The following FSTL4 variants were observed in gnomAD, a reference collection of about 807,000 sequenced individuals.
The protein encoded by FSTL4 is follistatin-related protein 4.
In FSTL4, 28 loss-of-function variants were observed where a neutral mutation model predicts 78.2. That is an observed-to-expected ratio of 0.36 (90% CI 0.27 to 0.49). The LOEUF (loss-of-function observed/expected upper bound fraction) is 0.49, where lower values mean the gene tolerates loss of function less well. Ranked by LOEUF, FSTL4 falls within the 20% of genes least tolerant of loss-of-function variation. FSTL4 has a pLI of 0.98. For synonymous variants in FSTL4, 422 were observed against 440.5 expected, an observed-to-expected ratio of 0.96 and a Z score of 0.53; for missense variants, 922 against 1,084.9, an observed-to-expected ratio of 0.85 and a Z score of 2.11.
chr5:133,474,780 G>C lies in FSTL4; in HGVS notation c.161-73794C>G, dbSNP rs246957. ...CTTAAATTATCTCTCCTCTGTCTTA[G>C]CAGCTTCCTTTAAACGCAGTAAACA... On this transcript the variant is annotated intron_variant, in intron 3 of 15. Transcript: ENST00000265342. Among the ~76,000 whole-genome samples the C allele has an allele frequency of 3.9e-3, 598 of 152,356 alleles. 4 individuals are homozygous for C. Among genetic ancestry groups the C allele is most frequent in the East Asian group, 0.031 (159 of 5,186 alleles).
the FSTL4 span, among the ~76,000 whole-genome samples, chr5:133,698,822 C>T: frequency 6.6e-6 from 1 of 151,400 alleles, no homozygotes; most frequent in East Asian, 1.9e-4. Context: ...CTACAAAATA[C>T]AACGAGACCT....
At chr5:133,328,192 C>T (rs1157194502) in intron 4 of FSTL4, among the ~76,000 whole-genome samples, 9 of 152,212 alleles carry the variant, frequency 5.9e-5, no homozygotes, top group African/African-American at 1.7e-4. Flanking sequence ...CAGATCCAGC[C>T]GACTCCAAGG....
chr5:133,403,437 C>G (rs1756283583), intron 3 of FSTL4, among the ~76,000 whole-genome samples: 1 of 152,234 alleles, frequency 6.6e-6, no homozygotes, highest in Non-Finnish European at 1.5e-5. Flanking sequence ...AGTGCCTGCC[C>G]TGCTCTGGCC....
intron 3 of FSTL4, among the ~76,000 whole-genome samples, chr5:133,565,668 TCA>T: frequency 6.6e-6 from 1 of 152,216 alleles, no homozygotes; most frequent in East Asian, 1.9e-4. Context: ...CTGGACACTC[TCA>T]TTCTTCTGGG....
At chr5:133,465,536 G>A (rs1047252683) in intron 3 of FSTL4, among the ~76,000 whole-genome samples, 5 of 152,230 alleles carry the variant, frequency 3.3e-5, no homozygotes, top group African/African-American at 1.2e-4. Flanking sequence ...GTTCAGGAGT[G>A]AGGCAGACTA....
At chr5:133,243,245 A>C (rs1208317351) in intron 7 of FSTL4, among the ~76,000 whole-genome samples, 1 of 152,144 alleles carries the variant, frequency 6.6e-6, no homozygotes, top group Non-Finnish European at 1.5e-5. Context: ...TGAAAAAAAA[A>C]CCCAAAACAA....
At chr5:133,825,888 A>C in the FSTL4 span, among the ~76,000 whole-genome samples, 1 of 152,180 alleles carries the variant, frequency 6.6e-6, no homozygotes, top group African/African-American at 2.4e-5. Flanking sequence ...AGCTGTCATC[A>C]AGTATTGTGT....
At chr5:133,807,415 TGG>T in the FSTL4 span, among the ~76,000 whole-genome samples, 2 of 152,214 alleles carry the variant, frequency 1.3e-5, no homozygotes, top group Admixed American at 6.5e-5. Flanking sequence ...CCAGCTTATA[TGG>T]GGTCAAGGGG....
chr5:133,751,107 TC>T, the FSTL4 span, among the ~76,000 whole-genome samples: 1 of 151,634 alleles, frequency 6.6e-6, no homozygotes, highest in Non-Finnish European at 1.5e-5. Flanking sequence ...CTGACCCAGC[TC>T]CCTCTCCCCC....
At chr5:133,320,817 C>A (rs892241347) in intron 4 of FSTL4, among the ~76,000 whole-genome samples, 4 of 152,000 alleles carry the variant, frequency 2.6e-5, no homozygotes, top group African/African-American at 9.7e-5. Flanking sequence ...ACCATCCTGG[C>A]TAACACGGTG....
chr5:133,268,866 T>G (rs1381562780), intron 6 of FSTL4, among the ~76,000 whole-genome samples: 1 of 152,128 alleles, frequency 6.6e-6, no homozygotes, highest in African/African-American at 2.4e-5. Flanking sequence ...GTTATTATGT[T>G]TTGGTTTCAA....
At chr5:133,666,416 T>G in the FSTL4 span, among the ~76,000 whole-genome samples, 2 of 152,194 alleles carry the variant, frequency 1.3e-5, no homozygotes, top group African/African-American at 4.8e-5. Context: ...CCCTATTCCC[T>G]GAAAAGCCTC....
chr5:133,303,830 C>T (rs897133064), intron 6 of FSTL4, among the ~76,000 whole-genome samples: 11 of 152,320 alleles, frequency 7.2e-5, no homozygotes, highest in African/African-American at 2.6e-4. Context: ...CAAGGTGGGT[C>T]TTCTCTACAC....
At chr5:133,768,119 T>A in the FSTL4 span, among the ~76,000 whole-genome samples, 4 of 152,004 alleles carry the variant, frequency 2.6e-5, 1 homozygote, top group South Asian at 8.3e-4. Flanking sequence ...TTTTAGCAGC[T>A]AACTCTTTCC....
chr5:133,778,257 GAA>G, the FSTL4 span, among the ~76,000 whole-genome samples: 7 of 152,226 alleles, frequency 4.6e-5, no homozygotes, highest in African/African-American at 1.7e-4. Context: ...CAACGTGGGA[GAA>G]AAGGCTTCTC....
intron 7 of FSTL4, among the ~76,000 whole-genome samples, chr5:133,234,711 C>T (rs564104688): frequency 1.3e-5 from 2 of 152,258 alleles, no homozygotes; most frequent in African/African-American, 4.8e-5. Flanking sequence ...CTCAGGACAT[C>T]CAGGATTTAG....
At chr5:133,790,965 C>T in the FSTL4 span, among the ~76,000 whole-genome samples, 1 of 152,188 alleles carries the variant, frequency 6.6e-6, no homozygotes, top group Non-Finnish European at 1.5e-5. Context: ...CAGAAGCCCC[C>T]ATCTCACTGA....
At chr5:133,578,950 C>A (rs1367916328) in intron 2 of FSTL4, among the ~76,000 whole-genome samples, 1 of 152,152 alleles carries the variant, frequency 6.6e-6, no homozygotes, top group Non-Finnish European at 1.5e-5. Context: ...GGAAAGTAAT[C>A]CACATCTCTC....
At chr5:133,423,139 A>G (rs185346845) in intron 3 of FSTL4, among the ~76,000 whole-genome samples, 10 of 152,362 alleles carry the variant, frequency 6.6e-5, no homozygotes, top group Admixed American at 6.5e-4. Flanking sequence ...CTGTCACAAC[A>G]GGTTGGAGCT....
Sources: allele counts gnomAD v4.1 joint callset (sites outside exome capture counted in the v4.1 genomes callset), GRCh38; gene constraint gnomAD v4.1.1; transcripts MANE v1.5; gene names NCBI Gene and HGNC (gene_info 2026-07-23, HGNC 2026-07-21).